The following U2SURP variants were observed in gnomAD, a reference collection of about 807,000 sequenced individuals.
U2SURP encodes U2 snRNP associated SURP domain containing.
U2SURP carries 9 observed loss-of-function variants against 144.9 expected under a neutral mutation model. That is an observed-to-expected ratio of 0.06 (90% confidence interval 0.04 to 0.11). U2SURP has a LOEUF of 0.11. Among genes scored for constraint, U2SURP ranks in the 10% least tolerant of loss-of-function variants. The pLI, the probability that U2SURP is intolerant of heterozygous loss-of-function variation, is 1.00. For synonymous variants in U2SURP, 408 were observed against 396.8 expected, an observed-to-expected ratio of 1.03 and a Z score of -0.33; for missense variants, 724 against 1,226.7, an observed-to-expected ratio of 0.59 and a Z score of 6.12.
chr3:143,005,442 GT>G (rs2108265628), intron 1 of U2SURP, among the ~76,000 whole-genome samples: 1 of 152,282 alleles, frequency 6.6e-6, no homozygotes, highest in African/African-American at 2.4e-5. Context: ...CTTTCAAACA[GT>G]TTGCCAATTT....
At chr3:143,052,267 G>T (rs1934914521) in intron 25 of U2SURP, among the ~76,000 whole-genome samples, 2 of 152,280 alleles carry the variant, frequency 1.3e-5, no homozygotes, top group South Asian at 4.1e-4. Flanking sequence ...GGTGGCACAT[G>T]CCTGTAATCC....
chr3:143,043,680 TC>T (rs1237977080), intron 24 of U2SURP, among the ~76,000 whole-genome samples: 1 of 151,664 alleles, frequency 6.6e-6, no homozygotes, highest in African/African-American at 2.4e-5. Context: ...ACATAGGAGA[TC>T]CTCTGAAGAA....
intron 18 of U2SURP, among the ~76,000 whole-genome samples, chr3:143,033,798 T>C (rs1046777248): frequency 6.6e-6 from 1 of 152,156 alleles, no homozygotes; most frequent in Non-Finnish European, 1.5e-5. Flanking sequence ...TTGAATTTCT[T>C]AATGGTTTGT....
At chr3:143,040,316 G>A (rs1049453047) in intron 23 of U2SURP, among the ~76,000 whole-genome samples, 1 of 151,766 alleles carries the variant, frequency 6.6e-6, no homozygotes, top group Non-Finnish European at 1.5e-5. Context: ...ATCACTAGAA[G>A]TATAATTTTA....
chr3:143,050,349 A>G (rs968109393), intron 24 of U2SURP, among the ~76,000 whole-genome samples: 2 of 152,244 alleles, frequency 1.3e-5, no homozygotes, highest in Admixed American at 1.3e-4. Flanking sequence ...CTGGGATTAC[A>G]GGCGTGAGCC....
At chr3:143,027,388 C>A in intron 14 of U2SURP, 135 bp downstream of exon 14, 1 of 623,996 alleles carries the variant, frequency 1.6e-6, no homozygotes, top group East Asian at 3.1e-5. Context: ...ATCTCCAGAA[C>A]TTTTTTCATC....
chr3:143,016,412 A>C, intron 5 of U2SURP, 41 bp downstream of exon 5: 1 of 1,549,686 alleles, frequency 6.5e-7, no homozygotes, highest in Non-Finnish European at 8.8e-7. Flanking sequence ...GCATAACTGT[A>C]TTACAGTTTT....
rs1184386096 is a variant in U2SURP at position 143,058,752 on chromosome 3, T to TATTC, written c.*2305_*2308dup. The TATTC allele has an allele frequency of 6.6e-6, 1 of 151,898 alleles. No individual in the cohort carries two copies. Among genetic ancestry groups the TATTC allele is most frequent in the Non-Finnish European group, 1.5e-5 (1 of 67,804 alleles). 9.4% of individuals were successfully genotyped at this position (151,898 alleles called of 1,614,324 possible). ...CTACCATATTTTTATAATAGCTTATTATTCATGTTTCTTGTCTGAAGGACA... is the reference window on the plus strand; with the variant it reads ...CTACCATATTTTTATAATAGCTTATTATTCATTCATGTTTCTTGTCTGAAGGACA... On this transcript the variant is annotated 3_prime_UTR_variant, in exon 28 of 28. Coordinates refer to ENST00000473835, the MANE Select transcript of U2SURP (RefSeq NM_001080415.2).
intron 18 of U2SURP, among the ~76,000 whole-genome samples, chr3:143,034,215 C>T (rs1225837126): frequency 6.6e-6 from 1 of 152,112 alleles, no homozygotes; most frequent in Admixed American, 6.5e-5. Flanking sequence ...ACCACCCTGG[C>T]CAACGTGGTG....
chr3:143,037,368 C>G (rs1419174956), intron 21 of U2SURP, 33 bp downstream of exon 21: 2 of 1,596,452 alleles, frequency 1.3e-6, no homozygotes, highest in East Asian at 4.5e-5. Context: ...TTAAATCTAG[C>G]TAATACATTT....
intron 14 of U2SURP, 85 bp downstream of exon 14, chr3:143,027,338 T>A: frequency 1.0e-6 from 1 of 976,108 alleles, no homozygotes; most frequent in Non-Finnish European, 1.5e-6. Context: ...TCAGTGTCAT[T>A]AAGTACATTC....
At chr3:143,019,844 C>G (rs1214825335) in intron 6 of U2SURP, 125 bp from the exon 7 acceptor site, 1 of 433,946 alleles carries the variant, frequency 2.3e-6, no homozygotes, top group African/African-American at 2.0e-5. Context: ...AAGCATTCTT[C>G]CTTTTTAATT....
rs1332299642 is a variant in U2SURP, at chr3:143,058,185, T to C, written c.*1735T>C. ...GAATGGAATTTTATATAACTACCTT[T>C]CTTTGCAAAAATAACGGTCGTGTCG... On this transcript the variant is annotated 3_prime_UTR_variant, in exon 28 of 28. Transcript: ENST00000473835. 2.0e-5 allele frequency: 3 copies of C among 152,318 alleles called. No individual in the cohort carries two copies. Among genetic ancestry groups the C allele is most frequent in the Non-Finnish European group, 2.9e-5 (2 of 67,828 alleles). 9.4% of individuals were successfully genotyped at this position (152,318 alleles called of 1,614,324 possible).
At chr3:143,021,250 A>G in intron 8 of U2SURP, 100 bp from the exon 9 acceptor site, 5 of 1,313,280 alleles carry the variant, frequency 3.8e-6, no homozygotes, top group Non-Finnish European at 5.3e-6. Flanking sequence ...TGTCTCTCAG[A>G]AATACCTTAC....
At chr3:143,044,169 T>C (rs1030654050) in intron 24 of U2SURP, among the ~76,000 whole-genome samples, 6 of 151,988 alleles carry the variant, frequency 3.9e-5, no homozygotes, top group Non-Finnish European at 8.8e-5. Flanking sequence ...GTCTGTACCA[T>C]ATGAAGGAGA....
chr3:143,014,524 T>C (rs1936265844), intron 4 of U2SURP, 115 bp downstream of exon 4: 1 of 597,252 alleles, frequency 1.7e-6, no homozygotes, highest in Non-Finnish European at 2.7e-6. Flanking sequence ...TATTCTCAGG[T>C]CCGCCTCTGA....
Position 143,012,433 on chromosome 3 carries a change from G to A in U2SURP, c.222+80G>A, listed in dbSNP as rs542877898. 2.2e-5 allele frequency: 30 copies of A among 1,340,172 alleles called. No homozygotes were observed. The African/African-American group carries it at 3.1e-4, about 14-fold the overall frequency. 83.0% of individuals were successfully genotyped at this position (1,340,172 alleles called of 1,614,324 possible). On this transcript the variant is annotated intron_variant, in intron 3 of 27. Transcript: ENST00000473835. ...CTGTCTTTGACTGAATTTAGTGGTCGAATATTTGGTTTTGTATGTGTTTCA... is the reference window on the plus strand; with the variant it reads ...CTGTCTTTGACTGAATTTAGTGGTCAAATATTTGGTTTTGTATGTGTTTCA...
intron 26 of U2SURP, 66 bp downstream of exon 26, chr3:143,053,860 C>CT: frequency 4.6e-6 from 6 of 1,294,122 alleles, no homozygotes; most frequent in Non-Finnish European, 6.2e-6. Flanking sequence ...TTTTATAATA[C>CT]TTTCATCATT....
chr3:143,057,368 T>G lies in U2SURP; in HGVS notation c.*918T>G, dbSNP rs575111724. 1 of 150,724 alleles carries G rather than the reference T, an allele frequency of 6.6e-6. No homozygotes were observed. Among genetic ancestry groups the G allele is most frequent in the South Asian group, 2.1e-4 (1 of 4,726 alleles). The allele number at this position is 150,724 out of a possible 1,614,324, so 9.3% of individuals were successfully genotyped here. A position where few individuals can be genotyped will look rare whatever the true frequency, so the allele number is the denominator to read the frequency against. ...TCAAACACTGGCATCAGAATATTTT[T>G]TATAAGTTTGTGTTTAAACAGCTTA... On this transcript the variant is annotated 3_prime_UTR_variant, in exon 28 of 28. Transcript: ENST00000473835.
Sources: gnomAD v4.1 joint callset for allele counts (sites outside exome capture counted in the v4.1 genomes callset) on GRCh38, gnomAD v4.1.1 for gene constraint, MANE v1.5 for transcripts, NCBI Gene and HGNC (gene_info 2026-07-23, HGNC 2026-07-21) for gene names.